GALNT15: variants seen among roughly 807,000 people sequenced by gnomAD.
The protein encoded by GALNT15 is UDP-GalNAc transferase T15.
In GALNT15, 67 loss-of-function variants were observed where a neutral mutation model predicts 66.8. The ratio of observed to expected loss-of-function variants is 1.00; its 90% CI spans 0.82 to 1.23. GALNT15 has a LOEUF of 1.23. Ranked by LOEUF, GALNT15 falls within the 50% of genes most tolerant of loss-of-function variation. The pLI is 0.00. For synonymous variants in GALNT15, 313 were observed against 311.5 expected, an observed-to-expected ratio of 1.00 and a Z score of -0.05; for missense variants, 827 against 804.3, an observed-to-expected ratio of 1.03 and a Z score of -0.34.
rs36127239 is a variant in GALNT15, at chr3:16,207,501, TAAAAAAAA to T, written c.912-967_912-960del. Among the ~76,000 whole-genome samples, 217 of 39,838 alleles carry T rather than the reference TAAAAAAAA, an allele frequency of 5.4e-3. 7 individuals are homozygous for T. The highest frequency in any genetic ancestry group is 0.015 in the African/African-American group (142 of 9,406). 26.1% of individuals were successfully genotyped at this position (39,838 alleles called of 152,430 possible). On this transcript the variant is annotated intron_variant, in intron 3 of 9. Coordinates refer to ENST00000339732, the MANE Select transcript of GALNT15 (RefSeq NM_054110.5). ...ACTCTGCAGTCATATCTCCAGGCTG[TAAAAAAAA>T]AAAAAAAAAAAAAAAAAAAAAAAAA...
intron 2 of GALNT15, among the ~76,000 whole-genome samples, chr3:16,197,181 A>C (rs1329109872): frequency 1.3e-5 from 2 of 152,178 alleles, no homozygotes; most frequent in Non-Finnish European, 2.9e-5. Context: ...GAGCTGTGTT[A>C]CGTCTGTGCC....
rs2124850046 is a variant in GALNT15, at chr3:16,188,852, T to G, written c.540-6908T>G. Among the ~76,000 whole-genome samples, 1 of 152,192 alleles carries G rather than the reference T, an allele frequency of 6.6e-6. No homozygotes were observed. Among genetic ancestry groups the G allele is most frequent in the Admixed American group, 6.5e-5 (1 of 15,296 alleles). On this transcript the variant is annotated intron_variant, in intron 1 of 9. Coordinates refer to ENST00000339732, the MANE Select transcript of GALNT15 (RefSeq NM_054110.5). The surrounding 1 kb of genome is among the most constrained non-coding windows in gnomAD (Gnocchi z 4.6). Reference sequence around the variant, plus strand: ...ACAGGTCCTTAGCACCATTTCCCTCTCTGTCCTCACTTCCACCTCCCTCCT... The same window carrying G: ...ACAGGTCCTTAGCACCATTTCCCTCGCTGTCCTCACTTCCACCTCCCTCCT...
Position 16,208,454 on chromosome 3 carries a change from A to C in GALNT15, c.912-49A>C, listed in dbSNP as rs753527639. On this transcript the variant is annotated intron_variant, in intron 3 of 9. Transcript: ENST00000339732. ...CCATGTACAGACTGTTTCCAGCCCCAGCAAGTAAATGCTTTACGTCCCTTG... is the reference window on the plus strand; with the variant it reads ...CCATGTACAGACTGTTTCCAGCCCCCGCAAGTAAATGCTTTACGTCCCTTG... The C allele has an allele frequency of 6.3e-6, 10 of 1,594,678 alleles. No homozygotes were observed. In the Admixed American group the frequency reaches 1.5e-4, roughly 24 times the overall value.
chr3:16,221,431 G>A (rs1574997637), intron 8 of GALNT15, among the ~76,000 whole-genome samples: 1 of 152,082 alleles, frequency 6.6e-6, no homozygotes, highest in African/African-American at 2.4e-5. Flanking sequence ...ACCTCCAGGG[G>A]TCAAAAAACA....
Position 16,212,690 on chromosome 3 carries a change from T to C in GALNT15, c.1319T>C (p.Ile440Thr). The change falls in exon 6 of 10, where the codon ATT (isoleucine) becomes ACT (threonine). Residue 440 changes from isoleucine (I) to threonine (T), a missense_variant. Transcript: ENST00000339732. ...QEATLRNRVR[I>T]AETWLGSFKE... ...GCCACCCTGAGGAACAGGGTTCGCA[T>C]TGCTGAGACCTGGCTGGGGTCATTC... 1 of 1,614,060 alleles carries C rather than the reference T, an allele frequency of 6.2e-7. No homozygotes were observed. Among genetic ancestry groups the C allele is most frequent in the South Asian group, 1.1e-5 (1 of 91,076 alleles).
In GALNT15 at chr3:16,181,523, A is replaced by G. The variant is rs2063471784; in HGVS notation, c.539+5833A>G. ...CTGCAGCTTTGTTGTCAAGTAGAAG[A>G]TGGTGTTGCAATCCACGCGGGGTCC... On this transcript the variant is annotated intron_variant, in intron 1 of 9. Coordinates refer to ENST00000339732, the MANE Select transcript of GALNT15 (RefSeq NM_054110.5). This position sits in a 1 kb window ranked among gnomAD's most constrained non-coding sequence, Gnocchi z 5.9. Among the ~76,000 whole-genome samples the G allele has an allele frequency of 6.6e-6, 1 of 151,910 alleles. No homozygotes were observed. Among genetic ancestry groups the G allele is most frequent in the Admixed American group, 6.6e-5 (1 of 15,264 alleles).
At chr3:16,215,388 G>C (rs2063860218) in intron 6 of GALNT15, among the ~76,000 whole-genome samples, 1 of 152,180 alleles carries the variant, frequency 6.6e-6, no homozygotes, top group East Asian at 1.9e-4. Flanking sequence ...ACAGAAAACT[G>C]AGGTCCCATG....
Position 16,203,539 on chromosome 3 carries a change from TCTCTCA to T in GALNT15, c.911+2718_911+2723del, listed in dbSNP as rs1428895673. On this transcript the variant is annotated intron_variant, in intron 3 of 9. Transcript: ENST00000339732. The surrounding 1 kb of genome is among the most constrained non-coding windows in gnomAD (Gnocchi z 6.2). ...CACTCATTCTCTCTCTCTCTCTCTC[TCTCTCA>T]CACACACACACACACACACACACAC... Among the ~76,000 whole-genome samples, 79 of 53,304 alleles carry T rather than the reference TCTCTCA, an allele frequency of 1.5e-3. No individual in the cohort carries two copies. The East Asian group carries it at 0.043, about 29-fold the overall frequency. The allele number at this position is 53,304 out of a possible 152,430, so 35.0% of individuals were successfully genotyped here.
At position 16,191,248 on chromosome 3, in the gene GALNT15, C is replaced by T. The variant is rs2063574609; in HGVS notation, c.540-4512C>T. Reference sequence around the variant, plus strand: ...GTCCTTATTTTTCTGCCTCCTTCTTCCTCCTGCTGCGGGAAGGAGCCCCCA... The same window carrying T: ...GTCCTTATTTTTCTGCCTCCTTCTTTCTCCTGCTGCGGGAAGGAGCCCCCA... On this transcript the variant is annotated intron_variant, in intron 1 of 9. Transcript: ENST00000339732. The surrounding 1 kb of genome is among the most constrained non-coding windows in gnomAD (Gnocchi z 5.2). The T allele has an allele frequency of 1.4e-6, 1 of 725,574 alleles. No homozygotes were observed. The allele number at this position is 725,574 out of a possible 1,614,324, so 44.9% of individuals were successfully genotyped here.
the GALNT15 span, among the ~76,000 whole-genome samples, chr3:16,240,303 T>G: frequency 6.6e-6 from 1 of 152,244 alleles, no homozygotes; most frequent in African/African-American, 2.4e-5. Context: ...AAATATCTGT[T>G]ATTTACCAAG....
intron 3 of GALNT15, among the ~76,000 whole-genome samples, chr3:16,206,671 T>TAAAAAAAAAAAAAAAAAAA (rs1170870767): frequency 3.3e-5 from 2 of 60,044 alleles, no homozygotes; most frequent in Non-Finnish European, 6.7e-5. Context: ...AGACTCTGTC[T>TAAAAAAAAAAAAAAAAAAA]AAAAAAAAAA....
the GALNT15 span, among the ~76,000 whole-genome samples, chr3:16,245,243 A>G: frequency 2.0e-5 from 3 of 152,192 alleles, no homozygotes; most frequent in African/African-American, 7.2e-5. Flanking sequence ...CCCATCTCAC[A>G]TCCTCACTCC....
At chr3:16,221,126 G>A (rs1284770386) in intron 8 of GALNT15, among the ~76,000 whole-genome samples, 4 of 151,482 alleles carry the variant, frequency 2.6e-5, no homozygotes, top group Non-Finnish European at 4.4e-5. Context: ...TTCCTCTCCT[G>A]CAATTAAGAA....
At chr3:16,214,477 G>A (rs1245846683) in intron 6 of GALNT15, among the ~76,000 whole-genome samples, 1 of 152,230 alleles carries the variant, frequency 6.6e-6, no homozygotes, top group Non-Finnish European at 1.5e-5. Flanking sequence ...AAGCACTTTA[G>A]ATGAGTGCCT....
chr3:16,199,544 G>C lies in GALNT15; in HGVS notation c.707-1075G>C, dbSNP rs1043637064. Among the ~76,000 whole-genome samples, 8 of 142,306 alleles carry C rather than the reference G, an allele frequency of 5.6e-5. 1 individual carries two copies. The South Asian group carries it at 1.1e-3, about 20-fold the overall frequency. 93.4% of individuals were successfully genotyped at this position (142,306 alleles called of 152,430 possible). ...TTAGGTCAGGTTTCCTGAAAGCAGG[G>C]CCTGAGATGGAGATTCACGTGCATT... On this transcript the variant is annotated intron_variant, in intron 2 of 9. Transcript: ENST00000339732.
rs1289899376 is a variant in GALNT15, at chr3:16,188,498, G to C, written c.540-7262G>C. On this transcript the variant is annotated intron_variant, in intron 1 of 9. Coordinates refer to ENST00000339732, the MANE Select transcript of GALNT15 (RefSeq NM_054110.5). The surrounding 1 kb of genome is among the most constrained non-coding windows in gnomAD (Gnocchi z 4.6). The stretch of plus-strand genomic sequence containing the variant: ...CCAGTGACATCAGCTGTTCCTTTTA[G>C]GTGGGCCATGTGGTCTCGGGCTCAC... Among the ~76,000 whole-genome samples the C allele has an allele frequency of 6.6e-6, 1 of 152,188 alleles. No homozygotes were observed. Among genetic ancestry groups the C allele is most frequent in the African/African-American group, 2.4e-5 (1 of 41,450 alleles).
Position 16,229,145 on chromosome 3 carries a change from T to G in GALNT15, c.*1645T>G. 2.0e-6 allele frequency: 2 copies of G among 985,368 alleles called. No homozygotes were observed. Among genetic ancestry groups the G allele is most frequent in the Non-Finnish European group, 2.4e-6 (2 of 829,892 alleles). 61.0% of individuals were successfully genotyped at this position (985,368 alleles called of 1,614,324 possible). On this transcript the variant is annotated 3_prime_UTR_variant, in exon 10 of 10. Coordinates refer to ENST00000339732, the MANE Select transcript of GALNT15 (RefSeq NM_054110.5). ...GTCTCAGAACACAGTATCCTTCAAATAAGAAAAACTGAGTGGGAAGTGCAG... is the reference window on the plus strand; with the variant it reads ...GTCTCAGAACACAGTATCCTTCAAAGAAGAAAAACTGAGTGGGAAGTGCAG...
At chr3:16,233,552 T>C (rs2064105747), downstream of GALNT15, among the ~76,000 whole-genome samples, 1 of 152,184 alleles carries the variant, frequency 6.6e-6, no homozygotes, top group African/African-American at 2.4e-5. Flanking sequence ...TATTTGTCTG[T>C]GGTCATGTCG....
Position 16,225,826 on chromosome 3 carries a change from C to T in GALNT15, c.1774-1528C>T, listed in dbSNP as rs186595745. ...CAGAGGTGGGTGGATCACTTGAGGT[C>T]AGGAGTTCGAGACCAGCCTGGCCAA... On this transcript the variant is annotated intron_variant, in intron 9 of 9. Coordinates refer to ENST00000339732, the MANE Select transcript of GALNT15 (RefSeq NM_054110.5). The surrounding 1 kb of genome is among the most constrained non-coding windows in gnomAD (Gnocchi z 4.4). 3.2e-3 allele frequency among the ~76,000 whole-genome samples: 489 copies of T among 152,138 alleles called. 6 individuals are homozygous for T. The highest frequency in any genetic ancestry group is 1.6e-3 in the Non-Finnish European group (109 of 67,994).
Sources: gnomAD v4.1 joint callset for allele counts (sites outside exome capture counted in the v4.1 genomes callset) on GRCh38, gnomAD v4.1.1 for gene constraint, Gnocchi (gnomAD v3.1) non-coding constraint, MANE v1.5 for transcripts, NCBI Gene and HGNC (gene_info 2026-07-23, HGNC 2026-07-21) for gene names.